Variants in ZNF521 observed in about 807,000 individuals in gnomAD.
ZNF521 encodes zinc finger protein 521.
ZNF521 carries 14 observed loss-of-function variants against 105.5 expected under a neutral mutation model. The observed-to-expected ratio is 0.13, with a 90% CI of 0.09 to 0.21. The LOEUF (loss-of-function observed/expected upper bound fraction) is 0.21. ZNF521 is among the 10% of genes least tolerant of loss of function. The pLI is 1.00. For missense variants in ZNF521, 1,233 were observed against 1,629.7 expected (o/e 0.76, Z 4.19); for synonymous variants, 635 against 606.0 (o/e 1.05, Z -0.70).
chr18:25,232,432 T>C (rs1041167339), intron 3 of ZNF521, among the ~76,000 whole-genome samples: 8 of 152,242 alleles, frequency 5.3e-5, no homozygotes, highest in African/African-American at 1.9e-4. Flanking sequence ...TCTATGAATA[T>C]AGCATAAACA....
intron 3 of ZNF521, among the ~76,000 whole-genome samples, chr18:25,275,109 A>G (rs1350472609): frequency 6.6e-6 from 1 of 152,220 alleles, no homozygotes; most frequent in African/African-American, 2.4e-5. Flanking sequence ...GCAAACACTC[A>G]ATCATCAAGG....
At chr18:25,082,431 T>C in intron 7 of ZNF521, among the ~76,000 whole-genome samples, 1 of 152,138 alleles carries the variant, frequency 6.6e-6, no homozygotes, top group Non-Finnish European at 1.5e-5. Flanking sequence ...ATGCCAGATC[T>C]AGATGTGGTG....
intron 3 of ZNF521, among the ~76,000 whole-genome samples, chr18:25,285,681 TTCTC>T (rs367897394): frequency 9.5e-5 from 14 of 146,626 alleles, no homozygotes; most frequent in South Asian, 2.2e-4. Flanking sequence ...GTAGTTGCAC[TTCTC>T]TCTCTCTCTC....
chr18:25,341,664 T>G (rs1914207376), intron 2 of ZNF521, among the ~76,000 whole-genome samples: 1 of 152,198 alleles, frequency 6.6e-6, no homozygotes, highest in African/African-American at 2.4e-5. Context: ...TCATCAAACT[T>G]TCGGTGCCAA....
chr18:25,271,640 C>A (rs1909668856), intron 3 of ZNF521, among the ~76,000 whole-genome samples: 1 of 152,142 alleles, frequency 6.6e-6, no homozygotes, highest in African/African-American at 2.4e-5. Flanking sequence ...TCATCTTTGA[C>A]AAACCTGACA....
intron 5 of ZNF521, among the ~76,000 whole-genome samples, chr18:25,102,401 A>G (rs1402235846): frequency 6.6e-6 from 1 of 152,156 alleles, no homozygotes; most frequent in East Asian, 1.9e-4. Context: ...AAAGGGAAAG[A>G]GTCAACATGG....
intron 5 of ZNF521, among the ~76,000 whole-genome samples, chr18:25,171,808 C>A (rs2035453790): frequency 1.3e-5 from 2 of 152,030 alleles, no homozygotes; most frequent in Non-Finnish European, 2.9e-5. Flanking sequence ...AAAAATTAAA[C>A]CTTATGCTAA....
intron 5 of ZNF521, among the ~76,000 whole-genome samples, chr18:25,143,241 G>A (rs1310757112): frequency 6.6e-6 from 1 of 152,044 alleles, no homozygotes; most frequent in African/African-American, 2.4e-5. Context: ...TCTTATCTAT[G>A]CTTTGTGACA....
intron 3 of ZNF521, among the ~76,000 whole-genome samples, chr18:25,275,502 C>G (rs933831592): frequency 6.6e-6 from 1 of 152,192 alleles, no homozygotes; most frequent in African/African-American, 2.4e-5. Context: ...TCATGTGTAG[C>G]ACGCCTACCC....
At chr18:25,301,120 C>T (rs778092931) in intron 3 of ZNF521, among the ~76,000 whole-genome samples, 81 of 152,130 alleles carry the variant, frequency 5.3e-4, no homozygotes, top group Non-Finnish European at 9.6e-4. Flanking sequence ...CCCAGTTTTA[C>T]GGTGTTTCTG....
intron 5 of ZNF521, among the ~76,000 whole-genome samples, chr18:25,188,645 A>G (rs1169574828): frequency 6.6e-6 from 1 of 152,238 alleles, no homozygotes; most frequent in East Asian, 1.9e-4. Flanking sequence ...CATTAGTGAT[A>G]CATTCTACCG....
chr18:25,091,805 T>C (rs2033753024), intron 6 of ZNF521, 145 bp downstream of exon 6: 1 of 1,007,262 alleles, frequency 9.9e-7, no homozygotes, highest in Admixed American at 3.1e-5. Flanking sequence ...ATAATGCTAA[T>C]AAAGCAGAAA....
chr18:25,285,291 G>A (rs1175940131), intron 3 of ZNF521, among the ~76,000 whole-genome samples: 1 of 152,154 alleles, frequency 6.6e-6, no homozygotes, highest in Non-Finnish European at 1.5e-5. Flanking sequence ...AACCCCCTAA[G>A]GGTCCCAAGT....
intron 3 of ZNF521, among the ~76,000 whole-genome samples, chr18:25,279,724 T>C (rs1350190582): frequency 6.6e-6 from 1 of 152,320 alleles, no homozygotes; most frequent in African/African-American, 2.4e-5. Flanking sequence ...TGGGAAATAA[T>C]AAATACTGAA....
At chr18:25,089,632 C>A in intron 6 of ZNF521, 52 bp from the exon 7 acceptor site, 1 of 1,469,660 alleles carries the variant, frequency 6.8e-7, no homozygotes, top group South Asian at 1.1e-5. Flanking sequence ...CCGAAATGCC[C>A]TCAGTCGATG....
At chr18:25,297,397 C>G (rs1911384331) in intron 3 of ZNF521, among the ~76,000 whole-genome samples, 1 of 152,140 alleles carries the variant, frequency 6.6e-6, no homozygotes, top group Admixed American at 6.6e-5. Context: ...ATTCAAGTTA[C>G]AGCAAATCCA....
At chr18:25,318,476 A>C (rs1047373963) in intron 3 of ZNF521, among the ~76,000 whole-genome samples, 5 of 152,200 alleles carry the variant, frequency 3.3e-5, no homozygotes, top group African/African-American at 9.6e-5. Context: ...GGCACTAAAA[A>C]TTACAGCATT....
chr18:25,344,543 G>C (rs1161938468), intron 2 of ZNF521, among the ~76,000 whole-genome samples: 1 of 152,132 alleles, frequency 6.6e-6, no homozygotes. Context: ...AAAGTTGCAT[G>C]CATCTCCCCC....
chr18:25,233,011 T>C (rs77938212), intron 3 of ZNF521, among the ~76,000 whole-genome samples: 3,729 of 152,232 alleles, frequency 0.024, 159 homozygotes, highest in African/African-American at 0.083. Context: ...CTGGGGGAGA[T>C]ACACAGGTGT....
Sources: gnomAD v4.1 joint callset for allele counts (sites outside exome capture counted in the v4.1 genomes callset) on GRCh38, gnomAD v4.1.1 for gene constraint, MANE v1.5 for transcripts, NCBI Gene and HGNC (gene_info 2026-07-23, HGNC 2026-07-21) for gene names.